Variants in MGAM observed in about 807,000 individuals in gnomAD.
The protein encoded by MGAM is maltase-glucoamylase.
Under a neutral mutation model 358.8 loss-of-function variants are expected in MGAM, and 253 were observed. The ratio of observed to expected loss-of-function variants is 0.71; its 90% CI spans 0.64 to 0.78. The LOEUF (loss-of-function observed/expected upper bound fraction) is 0.78, where lower values mean the gene tolerates loss of function less well. Ranked by LOEUF, MGAM falls within the 30% of genes least tolerant of loss-of-function variation. The probability of loss-of-function intolerance (pLI) is 0.00; values close to 1 mark genes in which losing one functional copy is unlikely to be tolerated. For missense variants in MGAM, 3,080 were observed against 3,432.6 expected (o/e 0.90, Z 2.57); for synonymous variants, 1,105 against 1,227.1 (o/e 0.90, Z 2.08).
At position 142,040,151 on chromosome 7, in the gene MGAM, G is replaced by A; in HGVS notation, c.2353G>A (p.Val785Ile). 6.2e-7 allele frequency: 1 copy of A among 1,612,578 alleles called. No homozygotes were observed. The highest frequency in any genetic ancestry group is 8.5e-7 in the Non-Finnish European group (1 of 1,179,112). Reference protein sequence around the residue: ...EKVMAYVPDAVWYDYETGSQV... With the variant: ...EKVMAYVPDAIWYDYETGSQV... ...AGTGATGGCATATGTGCCTGATGCTGTCTGGTATGACTACGAGACTGTAAG... is the reference window on the plus strand; with the variant it reads ...AGTGATGGCATATGTGCCTGATGCTATCTGGTATGACTACGAGACTGTAAG... The change falls in exon 20 of 71, where the codon GTC (valine) becomes ATC (isoleucine). Residue 785 changes from valine (V) to isoleucine (I), a missense_variant. Physicochemically the swap from Val to Ile is conservative, Grantham distance 29. This residue lies in a region of MGAM where 1,816 missense variants were observed against 1,840.5 expected (regional missense o/e 0.99). Coordinates refer to ENST00000475668, the MANE Select transcript of MGAM (RefSeq NM_001365693.1).
intron 17 of MGAM, 63 bp downstream of exon 17, chr7:142,036,348 C>A: frequency 7.8e-7 from 1 of 1,274,310 alleles, no homozygotes; most frequent in Non-Finnish European, 1.1e-6. Context: ...GATCTGTCTG[C>A]ATCCTTGCCA....
In MGAM at chr7:142,076,756, A is replaced by G. The variant is rs774536702; in HGVS notation, c.5423A>G (p.Asn1808Ser). 4.2e-5 allele frequency: 66 copies of G among 1,554,660 alleles called. 11 individuals carry two copies. The highest frequency in any genetic ancestry group is 5.3e-6 in the Non-Finnish European group (6 of 1,131,108). ...IKILGMEEPS[N>S]VTVKHNGVPS... ...ATTCTTGGGATGGAGGAACCTAGCA[A>G]TGTTACGGTGAAACACAATGGTGTC... The change falls in exon 47 of 71, where the codon AAT becomes AGT. Residue 1808 changes from asparagine to serine, a missense_variant. By Grantham distance (46) the Asn-to-Ser change is conservative. Coordinates refer to ENST00000475668, the MANE Select transcript of MGAM (RefSeq NM_001365693.1).
At chr7:142,010,771 T>C (rs1554454106) in intron 3 of MGAM, among the ~76,000 whole-genome samples, 3 of 152,204 alleles carry the variant, frequency 2.0e-5, no homozygotes, top group Non-Finnish European at 4.4e-5. Flanking sequence ...TCTAAGACCC[T>C]ACCTCTGTGC....
In MGAM at chr7:142,080,877, C is replaced by G. The variant is rs748997602; in HGVS notation, c.5934C>G (p.Leu1978=). The change falls in exon 50 of 71, where the codon CTC becomes CTG. Residue 1978 remains leucine (L), a synonymous_variant. Coordinates refer to ENST00000475668, the MANE Select transcript of MGAM (RefSeq NM_001365693.1). The part of the protein sequence containing the change: ...SVPSSTPEGQ[L]YDVLIKKNPF... ...CATCCAGCACCCCTGAGGGTCAACTCTATGATGTCCTCATTAAGAAGAATC... is the reference window on the plus strand; with the variant it reads ...CATCCAGCACCCCTGAGGGTCAACTGTATGATGTCCTCATTAAGAAGAATC... The G allele has an allele frequency of 2.6e-6, 4 of 1,556,712 alleles. 1 individual carries two copies. Among genetic ancestry groups the G allele is most frequent in the East Asian group, 2.3e-5 (1 of 43,952 alleles).
At position 142,054,785 on chromosome 7, in the gene MGAM, T is replaced by C. The variant is rs1411602274; in HGVS notation, c.3191T>C (p.Val1064Ala). ...IYDPNKNRYE[V>A]PVPLNIPSMP... The stretch of plus-strand genomic sequence containing the variant: ...GATCCCAACAAGAATCGGTATGAAG[T>C]TCCAGTCCCTCTGAACATACCCAGC... The change falls in exon 27 of 71, where the codon GTT becomes GCT. Residue 1064 changes from valine to alanine, a missense_variant. Transcript: ENST00000475668. 1.9e-6 allele frequency: 3 copies of C among 1,613,768 alleles called. No homozygotes were observed. Among genetic ancestry groups the C allele is most frequent in the Non-Finnish European group, 2.5e-6 (3 of 1,179,836 alleles).
intron 36 of MGAM, among the ~76,000 whole-genome samples, chr7:142,064,041 C>G (rs1275185500): frequency 1.3e-5 from 2 of 152,154 alleles, no homozygotes; most frequent in Non-Finnish European, 2.9e-5. Flanking sequence ...ATTTCCAAAT[C>G]TCAGTTTGCT....
At chr7:142,045,495 AT>A (rs1810116963) in intron 21 of MGAM, among the ~76,000 whole-genome samples, 1 of 110,730 alleles carries the variant, frequency 9.0e-6, no homozygotes, top group South Asian at 2.6e-4. Context: ...ACAATATATG[AT>A]ATTATATATT....
At chr7:142,060,848 C>G (rs1812112036) in intron 34 of MGAM, among the ~76,000 whole-genome samples, 1 of 152,056 alleles carries the variant, frequency 6.6e-6, no homozygotes, top group Non-Finnish European at 1.5e-5. Flanking sequence ...ACAGGTGTCT[C>G]CATCTTCATA....
At position 142,065,744 on chromosome 7, in the gene MGAM, A is replaced by C. The variant is rs746014367; in HGVS notation, c.4683A>C (p.Gln1561His). Reference sequence around the variant, plus strand: ...GAGCAGATATCTGTGGGTTCTTTCAAGACGCTGAGTACGAGATGTGTGTTC... The same window carrying C: ...GAGCAGATATCTGTGGGTTCTTTCACGACGCTGAGTACGAGATGTGTGTTC... ...YTGADICGFF[Q>H]DAEYEMCVRW... The change falls in exon 40 of 71, where the codon CAA (glutamine) becomes CAC (histidine). Residue 1561 changes from glutamine to histidine, a missense_variant. Transcript: ENST00000475668. 6.4e-7 allele frequency: 1 copy of C among 1,556,824 alleles called. No homozygotes were observed. Among genetic ancestry groups the C allele is most frequent in the South Asian group, 1.1e-5 (1 of 89,220 alleles).
Position 142,074,248 on chromosome 7 carries a change from A to G in MGAM, c.5275+75A>G. On this transcript the variant is annotated intron_variant, in intron 45 of 70. Transcript: ENST00000475668. ...TTATGGTCCTTCACTCCTGCTGGTCATTCAGCTGTGGGAGAAATCTCAGCA... is the reference window on the plus strand; with the variant it reads ...TTATGGTCCTTCACTCCTGCTGGTCGTTCAGCTGTGGGAGAAATCTCAGCA... 3.8e-6 allele frequency: 4 copies of G among 1,063,766 alleles called. No homozygotes were observed. The South Asian group carries it at 5.6e-5, about 15-fold the overall frequency. The allele number at this position is 1,063,766 out of a possible 1,614,324, so 65.9% of individuals were successfully genotyped here.
intron 3 of MGAM, among the ~76,000 whole-genome samples, chr7:142,018,898 A>G (rs1554457245): frequency 1.3e-5 from 2 of 152,104 alleles, no homozygotes; most frequent in African/African-American, 4.8e-5. Context: ...TACTGGTGAT[A>G]TAGCTATATT....
chr7:141,998,332 G>A (rs1654164139), intron 1 of MGAM, among the ~76,000 whole-genome samples: 1 of 152,056 alleles, frequency 6.6e-6, no homozygotes, highest in African/African-American at 2.4e-5. Flanking sequence ...GTGGTTTGCT[G>A]CACCTGTCAA....
chr7:142,038,522 G>T lies in MGAM; in HGVS notation c.2232-9G>T. The T allele has an allele frequency of 1.2e-6, 2 of 1,601,162 alleles. No homozygotes were observed. Among genetic ancestry groups the T allele is most frequent in the Non-Finnish European group, 1.7e-6 (2 of 1,172,950 alleles). On this transcript the variant is annotated splice_polypyrimidine_tract_variant and intron_variant, in intron 18 of 70. Transcript: ENST00000475668. Reference sequence around the variant, plus strand: ...TCAAATCTCAGTGAACTGTCTCTCTGGTTTTCAGGTTCTACGAGGACAACA... The same window carrying T: ...TCAAATCTCAGTGAACTGTCTCTCTTGTTTTCAGGTTCTACGAGGACAACA...
Position 142,086,302 on chromosome 7 carries a change from A to G in MGAM, c.6721A>G (p.Asn2241Asp). 1 of 1,537,786 alleles carries G rather than the reference A, an allele frequency of 6.5e-7. No homozygotes were observed. The highest frequency in any genetic ancestry group is 2.3e-5 in the East Asian group (1 of 43,342). ...GGATGACGTCTTCATCAAGTACCCAAATGATGGAGACATTGTCTGGGGAAA... is the reference window on the plus strand; with the variant it reads ...GGATGACGTCTTCATCAAGTACCCAGATGATGGAGACATTGTCTGGGGAAA... Reference protein sequence around the residue: ...VEDDVFIKYPNDGDIVWGKVW... With the variant: ...VEDDVFIKYPDDGDIVWGKVW... Residue 2241 changes from asparagine (N) to aspartate (D), a missense_variant, in exon 56 of 71, where the codon AAT becomes GAT. Physicochemically the swap from Asn to Asp is conservative, Grantham distance 23. This residue lies in a region of MGAM where 932 missense variants were observed against 1,198.2 expected (regional missense o/e 0.78). Transcript: ENST00000475668.
At chr7:141,986,549 G>A (rs782268137) in intron 2 of MGAM, among the ~76,000 whole-genome samples, 19 of 152,104 alleles carry the variant, frequency 1.2e-4, no homozygotes, top group Non-Finnish European at 2.1e-4. Flanking sequence ...GACATTGTTT[G>A]TGAATTTAAG....
At chr7:142,084,346 G>A (rs1191411000) in intron 53 of MGAM, among the ~76,000 whole-genome samples, 173 bp from the exon 54 acceptor site, 1 of 146,124 alleles carries the variant, frequency 6.8e-6, no homozygotes, top group Non-Finnish European at 1.5e-5. Flanking sequence ...CTCAAGTCTA[G>A]CAGAAAGCTT....
intron 47 of MGAM, among the ~76,000 whole-genome samples, chr7:142,077,093 A>T (rs1421235672): frequency 6.9e-6 from 1 of 145,910 alleles, no homozygotes; most frequent in Admixed American, 6.9e-5. Flanking sequence ...TTTTCCCAAA[A>T]ATAGAATAAT....
intron 21 of MGAM, among the ~76,000 whole-genome samples, chr7:142,041,867 A>C (rs1402452374): frequency 9.4e-6 from 1 of 106,078 alleles, no homozygotes. Flanking sequence ...CATTTTATAT[A>C]TATATTATAT....
At chr7:142,101,180 T>C (rs1816410533) in intron 68 of MGAM, among the ~76,000 whole-genome samples, 1 of 152,180 alleles carries the variant, frequency 6.6e-6, no homozygotes, top group South Asian at 2.1e-4. Context: ...TAAACTTTCA[T>C]AGGATTTATG....
Sources: gnomAD v4.1 joint callset for allele counts (sites outside exome capture counted in the v4.1 genomes callset) on GRCh38, gnomAD v4.1.1 for gene constraint, gnomAD v4.1.1 regional missense constraint, MANE v1.5 for transcripts, NCBI Gene and HGNC (gene_info 2026-07-23, HGNC 2026-07-21) for gene names.